Variants in ABHD17C observed in about 807,000 individuals in gnomAD.
ABHD17C encodes alpha/beta hydrolase domain-containing protein 17C.
In ABHD17C, 11 loss-of-function variants were observed where a neutral mutation model predicts 27.9. The ratio of observed to expected loss-of-function variants is 0.39; its 90% confidence interval spans 0.25 to 0.65. The LOEUF (loss-of-function observed/expected upper bound fraction) is 0.65, where lower values mean the gene tolerates loss of function less well. Ranked by LOEUF, ABHD17C falls within the 30% of genes least tolerant of loss-of-function variation. The pLI, the probability that ABHD17C is intolerant of heterozygous loss-of-function variation, is 0.45. For missense variants in ABHD17C, 280 were observed against 470.2 expected (o/e 0.60, Z 3.74); for synonymous variants, 233 against 209.1 (o/e 1.11, Z -0.98).
At chr15:80,705,362 T>TGTGTGTGTGTGTGG (rs776574776) in intron 1 of ABHD17C, among the ~76,000 whole-genome samples, 5 of 150,624 alleles carry the variant, frequency 3.3e-5, no homozygotes, top group South Asian at 2.1e-4. Context: ...TGTGTGTGTG[T>TGTGTGTGTGTGTGG]GTGTGGTTAG....
intron 1 of ABHD17C, among the ~76,000 whole-genome samples, chr15:80,702,038 T>C (rs1312900939): frequency 6.6e-6 from 1 of 152,212 alleles, no homozygotes; most frequent in African/African-American, 2.4e-5. Context: ...TGGTTCTGTT[T>C]TGAGGGGCCT....
chr15:80,740,586 A>G (rs1895196084), intron 1 of ABHD17C, among the ~76,000 whole-genome samples: 2 of 152,142 alleles, frequency 1.3e-5, no homozygotes, highest in Non-Finnish European at 2.9e-5. Flanking sequence ...GTACAGAGAC[A>G]TACGGATCAG....
In ABHD17C at chr15:80,695,802, G is replaced by T. The variant is rs1201198273; in HGVS notation, c.373G>T (p.Val125Leu). The change falls in exon 1 of 3, where the codon GTG becomes TTG. Residue 125 changes from valine to leucine, a missense_variant. Around this residue, in one of 2 missense-constraint regions of ABHD17C, gnomAD observed 206 missense variants for 394.7 expected, o/e 0.52. Transcript: ENST00000258884. This position sits in a 1 kb window ranked among gnomAD's most constrained non-coding sequence, Gnocchi z 4.3. ...ARDNRLGCMF[V>L]RCAPSSRYTL... ...GGACAACCGGCTCGGCTGCATGTTC[G>T]TGCGCTGCGCGCCCTCCAGCCGCTA... 6.4e-7 allele frequency: 1 copy of T among 1,552,318 alleles called. No homozygotes were observed.
intron 1 of ABHD17C, among the ~76,000 whole-genome samples, chr15:80,735,517 G>A (rs1895118297): frequency 6.6e-6 from 1 of 152,036 alleles, no homozygotes; most frequent in Non-Finnish European, 1.5e-5. Context: ...CGGATCTTGT[G>A]TGCGTTCCCA....
chr15:80,722,780 A>G (rs962684461), intron 1 of ABHD17C, among the ~76,000 whole-genome samples: 1 of 152,108 alleles, frequency 6.6e-6, no homozygotes, highest in African/African-American at 2.4e-5. Context: ...GTGTTTGCCT[A>G]TTTAGATTCC....
At chr15:80,742,477 C>T (rs761143243) in intron 1 of ABHD17C, among the ~76,000 whole-genome samples, 2 of 152,174 alleles carry the variant, frequency 1.3e-5, no homozygotes, top group African/African-American at 4.8e-5. Flanking sequence ...CTGTTGTCCA[C>T]CTTTTTGTTC....
In ABHD17C at chr15:80,696,066, CGG is replaced by C. The variant is rs746939986; in HGVS notation, c.590+50_590+51del. 2.1e-6 allele frequency: 3 copies of C among 1,447,532 alleles called. No individual in the cohort carries two copies. In the African/African-American group the frequency reaches 4.3e-5, roughly 21 times the overall value. The allele number at this position is 1,447,532 out of a possible 1,614,324, so 89.7% of individuals were successfully genotyped here. A position where few individuals can be genotyped will look rare whatever the true frequency, so the allele number is the denominator to read the frequency against. On this transcript the variant is annotated intron_variant, in intron 1 of 2. Coordinates refer to ENST00000258884, the MANE Select transcript of ABHD17C (RefSeq NM_021214.2). Reference sequence around the variant, plus strand: ...GGCCTGACTTCCAGCTGTGGGGAGGCGGGGTGGGGGTCTCTTGGGGCCCCTGG... The same window carrying C: ...GGCCTGACTTCCAGCTGTGGGGAGGCGGTGGGGGTCTCTTGGGGCCCCTGG...
chr15:80,714,937 G>T (rs1894782727), intron 1 of ABHD17C, among the ~76,000 whole-genome samples: 1 of 152,124 alleles, frequency 6.6e-6, no homozygotes, highest in Non-Finnish European at 1.5e-5. Context: ...GTCAGGTGTT[G>T]GGCTAAGTGC....
chr15:80,753,131 A>G (rs886762226), intron 2 of ABHD17C, among the ~76,000 whole-genome samples: 1 of 152,154 alleles, frequency 6.6e-6, no homozygotes, highest in Admixed American at 6.5e-5. Flanking sequence ...AGCTTTCCAA[A>G]TAGACATTCA....
chr15:80,720,566 T>A (rs1567033911), intron 1 of ABHD17C, among the ~76,000 whole-genome samples: 2 of 152,242 alleles, frequency 1.3e-5, no homozygotes, highest in East Asian at 1.9e-4. Context: ...AGGATTTTTT[T>A]ATATATATTC....
intron 1 of ABHD17C, among the ~76,000 whole-genome samples, chr15:80,720,933 A>T (rs998985954): frequency 3.0e-4 from 46 of 152,178 alleles, no homozygotes; most frequent in Middle Eastern, 3.4e-3. Context: ...AAAAAAAAAA[A>T]AAATATTAAT....
intron 1 of ABHD17C, among the ~76,000 whole-genome samples, chr15:80,743,470 A>G (rs888927361): frequency 6.6e-6 from 1 of 152,226 alleles, no homozygotes; most frequent in African/African-American, 2.4e-5. Flanking sequence ...CACAAAGGTC[A>G]TGCTGACTAG....
At chr15:80,713,351 G>GTTTTTTTTTTT (rs1596062478) in intron 1 of ABHD17C, among the ~76,000 whole-genome samples, 8 of 28,134 alleles carry the variant, frequency 2.8e-4, no homozygotes, top group East Asian at 2.9e-3. Flanking sequence ...CTGAGGTCTT[G>GTTTTTTTTTTT]TTCTTTTTTT....
chr15:80,708,937 T>G (rs12148329), intron 1 of ABHD17C, among the ~76,000 whole-genome samples: 19,339 of 151,984 alleles, frequency 0.13, 1,300 homozygotes, highest in East Asian at 0.17. Flanking sequence ...TGTCTGTATT[T>G]TAGGAACCTG....
intron 1 of ABHD17C, among the ~76,000 whole-genome samples, chr15:80,725,407 A>G (rs1008415076): frequency 1.3e-4 from 20 of 152,150 alleles, no homozygotes; most frequent in African/African-American, 4.1e-4. Context: ...CGAATTTTAC[A>G]TTCTGGTTTA....
chr15:80,723,927 G>T (rs1453246979), intron 1 of ABHD17C, among the ~76,000 whole-genome samples: 1 of 152,184 alleles, frequency 6.6e-6, no homozygotes, highest in Non-Finnish European at 1.5e-5. Flanking sequence ...TTCAGTCCGG[G>T]TGCAGTAGCT....
chr15:80,696,327 G>A (rs1416089560), intron 1 of ABHD17C, among the ~76,000 whole-genome samples: 1 of 152,238 alleles, frequency 6.6e-6, no homozygotes, highest in Non-Finnish European at 1.5e-5. Context: ...GTCACCGCGA[G>A]TGGCAGAGTG....
intron 1 of ABHD17C, chr15:80,704,997 G>C (rs1012174877): frequency 6.6e-6 from 1 of 152,270 alleles, no homozygotes; most frequent in African/African-American, 2.4e-5. Context: ...ACCATCCACC[G>C]TTGGGCTATG....
intron 1 of ABHD17C, among the ~76,000 whole-genome samples, chr15:80,741,334 TGCAGCAAAACTA>T (rs1895206287): frequency 6.6e-6 from 1 of 152,194 alleles, no homozygotes; most frequent in African/African-American, 2.4e-5. Context: ...GCCCTGTACA[TGCAGCAAAACTA>T]GCACAATTTT....
Sources: gnomAD v4.1 joint callset for allele counts (sites outside exome capture counted in the v4.1 genomes callset) on GRCh38, gnomAD v4.1.1 for gene constraint, gnomAD v4.1.1 regional missense constraint, Gnocchi (gnomAD v3.1) non-coding constraint, MANE v1.5 for transcripts, NCBI Gene and HGNC (gene_info 2026-07-23, HGNC 2026-07-21) for gene names.